TBC1D19: variants seen among roughly 807,000 people sequenced by gnomAD.
The protein encoded by TBC1D19 is TBC1 domain family member 19.
In TBC1D19, 60 loss-of-function variants were observed where a neutral mutation model predicts 89.0. That is an observed-to-expected ratio of 0.67 (90% CI 0.55 to 0.84). The LOEUF (loss-of-function observed/expected upper bound fraction) is 0.84. Ranked by LOEUF, TBC1D19 falls within the 40% of genes least tolerant of loss-of-function variation. TBC1D19 has a pLI of 0.00. For missense variants in TBC1D19, 500 were observed against 610.8 expected, an observed-to-expected ratio of 0.82 and a Z score of 1.91; for synonymous variants, 189 against 199.7, an observed-to-expected ratio of 0.95 and a Z score of 0.45.
At chr4:26,770,755 G>C in the TBC1D19 span, among the ~76,000 whole-genome samples, 1 of 152,050 alleles carries the variant, frequency 6.6e-6, no homozygotes, top group Admixed American at 6.6e-5. Flanking sequence ...AAGGATTCAA[G>C]CCATATAAAG....
the TBC1D19 span, among the ~76,000 whole-genome samples, chr4:26,844,286 C>T: frequency 2.6e-5 from 4 of 152,166 alleles, no homozygotes; most frequent in Non-Finnish European, 4.4e-5. Context: ...CTGCCCCATC[C>T]TAGGTGACCT....
At chr4:26,740,210 T>C (rs1256285772) in intron 17 of TBC1D19, among the ~76,000 whole-genome samples, 1 of 152,198 alleles carries the variant, frequency 6.6e-6, no homozygotes, top group Admixed American at 6.5e-5. Context: ...TTTTTTCTTT[T>C]ACATATTAAA....
chr4:26,585,435 A>G (rs182810726), intron 1 of TBC1D19, among the ~76,000 whole-genome samples: 106 of 151,074 alleles, frequency 7.0e-4, no homozygotes, highest in African/African-American at 2.3e-3. Flanking sequence ...TTATGTGCTT[A>G]TATCTTTTTT....
At chr4:26,675,884 G>A (rs1712758524) in intron 11 of TBC1D19, among the ~76,000 whole-genome samples, 1 of 152,010 alleles carries the variant, frequency 6.6e-6, no homozygotes, top group South Asian at 2.1e-4. Flanking sequence ...TTCATACTTT[G>A]AATAGAATAT....
In TBC1D19 at chr4:26,753,668, A is replaced by C. The variant is rs1213077035; in HGVS notation, c.1436-152A>C. 1.3e-5 allele frequency: 9 copies of C among 677,978 alleles called. No individual in the cohort carries two copies. In the East Asian group the frequency reaches 2.5e-4, roughly 19 times the overall value. The allele number at this position is 677,978 out of a possible 1,614,324, so 42.0% of individuals were successfully genotyped here. ...CTAGAGCAGACAATTTCCATTCATCACAAGACCTTAATTCAGAATGCGGGG... is the reference window on the plus strand; with the variant it reads ...CTAGAGCAGACAATTTCCATTCATCCCAAGACCTTAATTCAGAATGCGGGG... On this transcript the variant is annotated intron_variant, in intron 19 of 20. Transcript: ENST00000264866.
intron 13 of TBC1D19, among the ~76,000 whole-genome samples, chr4:26,708,720 G>T (rs954230433): frequency 2.6e-5 from 4 of 151,714 alleles, no homozygotes; most frequent in African/African-American, 9.7e-5. Flanking sequence ...CAAGTTTGCT[G>T]ATTCTTTCTT....
intron 13 of TBC1D19, among the ~76,000 whole-genome samples, chr4:26,695,938 A>C (rs773449287): frequency 2.0e-5 from 3 of 152,232 alleles, no homozygotes; most frequent in African/African-American, 7.2e-5. Flanking sequence ...TACTAGGAAG[A>C]AACTGCATCA....
At chr4:26,581,033 TGAG>T (rs990061252), upstream of TBC1D19, among the ~76,000 whole-genome samples, 2 of 152,338 alleles carry the variant, frequency 1.3e-5, no homozygotes, top group African/African-American at 2.4e-5. Flanking sequence ...CAGAGAATTT[TGAG>T]GAGATTTCCC....
At chr4:26,702,310 T>G (rs1715395139) in intron 13 of TBC1D19, 1 of 152,662 alleles carries the variant, frequency 6.6e-6, no homozygotes, top group Non-Finnish European at 1.5e-5. Context: ...AAATATTTAT[T>G]GATCTACCTC....
chr4:26,828,720 T>C, the TBC1D19 span, among the ~76,000 whole-genome samples: 2 of 152,190 alleles, frequency 1.3e-5, no homozygotes, highest in East Asian at 3.8e-4. Flanking sequence ...CATTGGTAAA[T>C]AGGGATAATA....
At chr4:26,675,229 C>A (rs1357640739) in intron 11 of TBC1D19, among the ~76,000 whole-genome samples, 1 of 151,976 alleles carries the variant, frequency 6.6e-6, no homozygotes, top group Non-Finnish European at 1.5e-5. Flanking sequence ...TTAACAAATT[C>A]TATCTCTTCG....
At chr4:26,842,521 C>A in the TBC1D19 span, among the ~76,000 whole-genome samples, 28 of 143,296 alleles carry the variant, frequency 2.0e-4, no homozygotes, top group South Asian at 4.2e-3. Flanking sequence ...CCTTCCTTCC[C>A]TTTCTTCCCT....
intron 1 of TBC1D19, among the ~76,000 whole-genome samples, chr4:26,588,269 C>T (rs1739547577): frequency 6.6e-6 from 1 of 152,070 alleles, no homozygotes; most frequent in African/African-American, 2.4e-5. Context: ...TCGTGATCCG[C>T]CCGCCTTGGC....
intron 13 of TBC1D19, among the ~76,000 whole-genome samples, chr4:26,714,069 A>G (rs1716385454): frequency 6.6e-6 from 1 of 152,058 alleles, no homozygotes; most frequent in African/African-American, 2.4e-5. Context: ...CAGCGGGTCA[A>G]GCACAGTGGC....
upstream of TBC1D19, among the ~76,000 whole-genome samples, chr4:26,580,794 A>T (rs1739047737): frequency 6.6e-6 from 1 of 152,218 alleles, no homozygotes. Context: ...GTACCCTTGA[A>T]GGGTGTTTCA....
the TBC1D19 span, among the ~76,000 whole-genome samples, chr4:26,831,532 A>G: frequency 6.6e-6 from 1 of 151,350 alleles, no homozygotes; most frequent in Non-Finnish European, 1.5e-5. Flanking sequence ...CCATGGCAGC[A>G]GTTTGCTAAT....
the TBC1D19 span, among the ~76,000 whole-genome samples, chr4:26,853,660 C>A: frequency 0.066 from 10,041 of 152,130 alleles, 438 homozygotes; most frequent in Middle Eastern, 0.12. Context: ...GGCTCAGCCT[C>A]CTCAGTAGCT....
the TBC1D19 span, among the ~76,000 whole-genome samples, chr4:26,821,057 A>G: frequency 7.9e-5 from 12 of 152,332 alleles, no homozygotes; most frequent in East Asian, 1.9e-3. Flanking sequence ...GTAGGGATGC[A>G]TGGGTGCCAA....
At chr4:26,747,012 G>A (rs1718687352) in intron 18 of TBC1D19, among the ~76,000 whole-genome samples, 1 of 152,130 alleles carries the variant, frequency 6.6e-6, no homozygotes, top group Admixed American at 6.5e-5. Flanking sequence ...CTTTCACCAG[G>A]CTACTCAAAA....
Sources: allele counts gnomAD v4.1 joint callset (sites outside exome capture counted in the v4.1 genomes callset), GRCh38; gene constraint gnomAD v4.1.1; transcripts MANE v1.5; gene names NCBI Gene and HGNC (gene_info 2026-07-23, HGNC 2026-07-21).